The following ZMYM4 variants were observed in gnomAD, a reference collection of about 807,000 sequenced individuals.
The protein encoded by ZMYM4 is zinc finger MYM-type protein 4.
Under a neutral mutation model 183.2 loss-of-function variants are expected in ZMYM4, and 31 were observed. The ratio of observed to expected loss-of-function variants is 0.17; its 90% confidence interval spans 0.13 to 0.23. ZMYM4 has a LOEUF of 0.23. Among genes scored for constraint, ZMYM4 ranks in the 10% least tolerant of loss-of-function variants. ZMYM4 has a pLI of 1.00. For synonymous variants in ZMYM4, 592 were observed against 631.2 expected (o/e 0.94, Z 0.93); for missense variants, 1,273 against 1,840.3 (o/e 0.69, Z 5.64).
In ZMYM4 at chr1:35,386,312, G is replaced by A; in HGVS notation, c.1836+123G>A. The A allele has an allele frequency of 4.6e-6, 3 of 654,594 alleles. 1 individual carries two copies. The South Asian group carries it at 6.7e-5, about 15-fold the overall frequency. 40.5% of individuals were successfully genotyped at this position (654,594 alleles called of 1,614,324 possible). Reference sequence around the variant, plus strand: ...ATTTATAAAGAAAGAGGTTTAATTGGCTCACAGTTCCACAGGCTGTACAGG... The same window carrying A: ...ATTTATAAAGAAAGAGGTTTAATTGACTCACAGTTCCACAGGCTGTACAGG... On this transcript the variant is annotated intron_variant, in intron 11 of 29. Transcript: ENST00000314607.
chr1:35,286,087 A>C (rs898023731), intron 1 of ZMYM4, among the ~76,000 whole-genome samples: 1 of 152,218 alleles, frequency 6.6e-6, no homozygotes, highest in African/African-American at 2.4e-5. Context: ...CAAATTGGAC[A>C]GGAAGAAGTA....
In ZMYM4 at chr1:35,359,383, C is replaced by T. The variant is rs772136832; in HGVS notation, c.544C>T (p.Arg182Trp). 23 of 1,594,874 alleles carry T rather than the reference C, an allele frequency of 1.4e-5. No individual in the cohort carries two copies. Among genetic ancestry groups the T allele is most frequent in the East Asian group, 4.5e-5 (2 of 44,738 alleles). The change falls in exon 3 of 30, where the codon CGG becomes TGG. Residue 182 changes from arginine (R) to tryptophan (W), a missense_variant. This residue lies in a region of ZMYM4 where 384 missense variants were observed against 465.6 expected (regional missense o/e 0.82). Transcript: ENST00000314607. The stretch of plus-strand genomic sequence containing the variant: ...AGACCTAACTTATGAACGTGAAAAA[C>T]GGTTGGATAAACCCCATAAAGATTT... ...NRDLTYEREK[R>W]LDKPHKDLDS...
chr1:35,334,867 G>A (rs1030464964), intron 2 of ZMYM4, among the ~76,000 whole-genome samples: 2 of 152,020 alleles, frequency 1.3e-5, no homozygotes, highest in African/African-American at 2.4e-5. Context: ...TTTTGGTATC[G>A]TTTATGACAT....
At chr1:35,351,417 G>T in intron 2 of ZMYM4, 2 of 1,571,170 alleles carry the variant, frequency 1.3e-6, no homozygotes. Context: ...CGTAACTCCA[G>T]ACATGATGGA....
At position 35,275,094 on chromosome 1, in the gene ZMYM4, AG is replaced by A. The variant is rs1353992022; in HGVS notation, c.39+6010del. On this transcript the variant is annotated intron_variant, in intron 1 of 29. Coordinates refer to ENST00000314607, the MANE Select transcript of ZMYM4 (RefSeq NM_005095.3). ...AATCATTAAGTTAACTTGTTCCCTA[AG>A]AAATACATTTTTGTTTGAGATCATC... Among the ~76,000 whole-genome samples the A allele has an allele frequency of 4.6e-5, 7 of 152,344 alleles. No individual in the cohort carries two copies. In the East Asian group the frequency reaches 1.3e-3, roughly 29 times the overall value.
chr1:35,352,269 G>GCACACACACA (rs56011152), intron 2 of ZMYM4, among the ~76,000 whole-genome samples: 5 of 124,526 alleles, frequency 4.0e-5, no homozygotes, highest in African/African-American at 1.3e-4. Flanking sequence ...ACGCGCGCGC[G>GCACACACACA]CACACACACA....
chr1:35,304,795 C>G (rs1641453173), intron 1 of ZMYM4, among the ~76,000 whole-genome samples: 1 of 151,772 alleles, frequency 6.6e-6, no homozygotes, highest in East Asian at 1.9e-4. Flanking sequence ...TATCGATGCT[C>G]TTTTTTTATG....
chr1:35,284,396 C>T (rs1211425410), intron 1 of ZMYM4, among the ~76,000 whole-genome samples: 1 of 152,168 alleles, frequency 6.6e-6, no homozygotes, highest in Non-Finnish European at 1.5e-5. Context: ...CCTATGTTTT[C>T]TTCTAAGAGT....
At chr1:35,278,573 G>A (rs964758328) in intron 1 of ZMYM4, among the ~76,000 whole-genome samples, 1 of 151,942 alleles carries the variant, frequency 6.6e-6, no homozygotes, top group Non-Finnish European at 1.5e-5. Flanking sequence ...CTACAGGAGC[G>A]TGCCGCCATG....
rs140903419 is a variant in ZMYM4, at chr1:35,319,822, G to A, written c.40-5538G>A. Among the ~76,000 whole-genome samples, 269 of 152,302 alleles carry A rather than the reference G, an allele frequency of 1.8e-3. 4 individuals are homozygous for A. The Middle Eastern group carries it at 0.024, about 13-fold the overall frequency. Reference sequence around the variant, plus strand: ...TTTGATTTGGAGTGGTCTGTTGAAAGTATACAAATTATTTGAAACTTCAGT... The same window carrying A: ...TTTGATTTGGAGTGGTCTGTTGAAAATATACAAATTATTTGAAACTTCAGT... On this transcript the variant is annotated intron_variant, in intron 1 of 29. Coordinates refer to ENST00000314607, the MANE Select transcript of ZMYM4 (RefSeq NM_005095.3).
intron 20 of ZMYM4, 144 bp downstream of exon 20, chr1:35,397,689 T>C: frequency 5.1e-6 from 3 of 588,268 alleles, no homozygotes; most frequent in Non-Finnish European, 7.7e-6. Context: ...GATTACACTT[T>C]TTAGTGCTTC....
At position 35,321,771 on chromosome 1, in the gene ZMYM4, A is replaced by G. The variant is rs80019227; in HGVS notation, c.40-3589A>G. Among the ~76,000 whole-genome samples, 1,295 of 152,236 alleles carry G rather than the reference A, an allele frequency of 8.5e-3. 17 individuals are homozygous for G. Among genetic ancestry groups the G allele is most frequent in the African/African-American group, 0.03 (1,228 of 41,538 alleles). On this transcript the variant is annotated intron_variant, in intron 1 of 29. Coordinates refer to ENST00000314607, the MANE Select transcript of ZMYM4 (RefSeq NM_005095.3). ...AAACTGGGCATGGTGGTGTGTTCCTATAATCCCAGTAACTCATGAAGCTTA... is the reference window on the plus strand; with the variant it reads ...AAACTGGGCATGGTGGTGTGTTCCTGTAATCCCAGTAACTCATGAAGCTTA...
chr1:35,412,422 A>G (rs1037422642), intron 26 of ZMYM4, among the ~76,000 whole-genome samples: 5 of 152,034 alleles, frequency 3.3e-5, no homozygotes, highest in Non-Finnish European at 4.4e-5. Context: ...CTGCTCTGCT[A>G]GGATTCGCGG....
intron 9 of ZMYM4, among the ~76,000 whole-genome samples, chr1:35,383,410 G>T (rs1210407318): frequency 2.0e-5 from 3 of 152,136 alleles, no homozygotes; most frequent in East Asian, 3.9e-4. Context: ...ATTTAATAGC[G>T]TTGATTAGGA....
rs201477944 is a variant in ZMYM4 at position 35,420,198 on chromosome 1, G to GT, written c.*522dup. 2,086 of 157,194 alleles carry GT rather than the reference G, an allele frequency of 0.013. 51 individuals carry two copies. The highest frequency in any genetic ancestry group is 0.046 in the African/African-American group (1,926 of 41,572). The allele number at this position is 157,194 out of a possible 1,614,324, so 9.7% of individuals were successfully genotyped here. A position where few individuals can be genotyped will look rare whatever the true frequency, so the allele number is the denominator to read the frequency against. The stretch of plus-strand genomic sequence containing the variant: ...ACTTTTTAAAAAAGATAGTGAAGTG[G>GT]TCTTGATTGATTTTGATTTTCACTG... On this transcript the variant is annotated 3_prime_UTR_variant, in exon 30 of 30. Transcript: ENST00000314607.
At chr1:35,374,942 T>C (rs1644303059) in intron 7 of ZMYM4, among the ~76,000 whole-genome samples, 2 of 152,184 alleles carry the variant, frequency 1.3e-5, no homozygotes, top group Admixed American at 1.3e-4. Flanking sequence ...TGTAATTCAA[T>C]TGCTCTTTAA....
intron 1 of ZMYM4, among the ~76,000 whole-genome samples, chr1:35,309,800 A>G (rs4652878): frequency 0.76 from 115,582 of 151,848 alleles, 48,572 homozygotes; most frequent in Non-Finnish European, 0.97. Flanking sequence ...AAACCCACAA[A>G]AAAACTACTT....
chr1:35,376,968 G>A (rs1644348437), intron 7 of ZMYM4, among the ~76,000 whole-genome samples: 1 of 151,890 alleles, frequency 6.6e-6, no homozygotes, highest in African/African-American at 2.4e-5. Context: ...GTACAGTGGT[G>A]CGATCTGGGC....
At chr1:35,275,490 G>A (rs571955122) in intron 1 of ZMYM4, among the ~76,000 whole-genome samples, 504 of 152,240 alleles carry the variant, frequency 3.3e-3, no homozygotes, top group Non-Finnish European at 5.9e-3. Context: ...GCCTCCCAAA[G>A]TGCTGGGATT....
Sources: gnomAD v4.1 joint callset for allele counts (sites outside exome capture counted in the v4.1 genomes callset) on GRCh38, gnomAD v4.1.1 for gene constraint, gnomAD v4.1.1 regional missense constraint, MANE v1.5 for transcripts, NCBI Gene and HGNC (gene_info 2026-07-23, HGNC 2026-07-21) for gene names.